The following ZNF202 variants were observed in gnomAD, a reference collection of about 807,000 sequenced individuals.
The protein encoded by ZNF202 is zinc finger protein 202, also known as zinc finger protein with KRAB and SCAN domains 10.
A neutral mutation model predicts 54.5 loss-of-function variants in ZNF202; 22 were observed. The observed-to-expected ratio is 0.40, with a 90% CI of 0.29 to 0.58. The LOEUF is 0.58. Among genes scored for constraint, ZNF202 ranks in the 20% least tolerant of loss-of-function variants. The pLI is 0.39. For missense variants in ZNF202, 644 were observed against 805.5 expected, an observed-to-expected ratio of 0.80 and a Z score of 2.43; for synonymous variants, 294 against 301.4, an observed-to-expected ratio of 0.98 and a Z score of 0.26.
chr11:123,733,013 C>T (rs922624026), intron 3 of ZNF202, among the ~76,000 whole-genome samples: 9 of 152,140 alleles, frequency 5.9e-5, no homozygotes, highest in Admixed American at 1.3e-4. Flanking sequence ...GGCACTGGCA[C>T]GTAACAGGCA....
In ZNF202 at chr11:123,730,010, G is replaced by A. The variant is rs1861335988; in HGVS notation, c.403-185C>T. Among the ~76,000 whole-genome samples the A allele has an allele frequency of 6.6e-6, 1 of 152,136 alleles. No individual in the cohort carries two copies. Among genetic ancestry groups the A allele is most frequent in the Non-Finnish European group, 1.5e-5 (1 of 68,014 alleles). ...TGAAGGTTATCCTCCCCAGGACAAG[G>A]CAGGGGATGCGCAGGCCTGCACTGC... On this transcript the variant is annotated intron_variant, in intron 4 of 8. Coordinates refer to ENST00000530393, the MANE Select transcript of ZNF202 (RefSeq NM_003455.4). The surrounding 1 kb of genome is among the most constrained non-coding windows in gnomAD (Gnocchi z 6.0).
At chr11:123,734,614 T>C (rs776487044) in intron 3 of ZNF202, among the ~76,000 whole-genome samples, 1 of 152,150 alleles carries the variant, frequency 6.6e-6, no homozygotes, top group Non-Finnish European at 1.5e-5. Flanking sequence ...AGCATGCACA[T>C]GTGTCTATTT....
At chr11:123,739,840 T>C (rs10790595) in intron 3 of ZNF202, among the ~76,000 whole-genome samples, 80,261 of 151,676 alleles carry the variant, frequency 0.53, 21,761 homozygotes, top group Middle Eastern at 0.73. Context: ...TTGTTAGAAG[T>C]ACAAATTCTC....
chr11:123,726,733 T>C lies in ZNF202; in HGVS notation c.1211A>G (p.Lys404Arg). The stretch of plus-strand genomic sequence containing the variant: ...AAGGTGGGAGTTACAAGTGAAGCTC[T>C]TTCCACACACAGAACAGTCATGATG... Reference protein sequence around the residue: ...GRHHDCSVCGKSFTCNSHLVR... With the variant: ...GRHHDCSVCGRSFTCNSHLVR... The change falls in exon 9 of 9, where the codon AAG becomes AGG. Residue 404 changes from lysine to arginine, a missense_variant. By Grantham distance (26) the Lys-to-Arg change is conservative. Transcript: ENST00000530393. The surrounding 1 kb of genome is among the most constrained non-coding windows in gnomAD (Gnocchi z 6.0). 4 of 1,614,242 alleles carry C rather than the reference T, an allele frequency of 2.5e-6. No individual in the cohort carries two copies. The highest frequency in any genetic ancestry group is 3.4e-6 in the Non-Finnish European group (4 of 1,180,040).
chr11:123,731,457 T>C (rs1358932569), intron 3 of ZNF202, among the ~76,000 whole-genome samples: 2 of 152,228 alleles, frequency 1.3e-5, no homozygotes, highest in Non-Finnish European at 2.9e-5. Flanking sequence ...TCTGATTCAG[T>C]CAATTCAGGT....
At position 123,724,434 on chromosome 11, in the gene ZNF202, A is replaced by G. The variant is rs1437788550; in HGVS notation, c.*1563T>C. ...ATTAAGACCAAACCAGTCCATCAGA[A>G]TATCATCGACCAAAATGAGAATTTC... On this transcript the variant is annotated 3_prime_UTR_variant, in exon 9 of 9. Transcript: ENST00000530393. 1 of 152,198 alleles carries G rather than the reference A, an allele frequency of 6.6e-6. No individual in the cohort carries two copies. Among genetic ancestry groups the G allele is most frequent in the Non-Finnish European group, 1.5e-5 (1 of 68,038 alleles). The allele number at this position is 152,198 out of a possible 1,614,324, so 9.4% of individuals were successfully genotyped here.
rs141849865 is a variant in ZNF202, at chr11:123,729,778, C to T, written c.450G>A (p.Val150=). 1.2e-5 allele frequency: 19 copies of T among 1,613,648 alleles called. No homozygotes were observed. Among genetic ancestry groups the T allele is most frequent in the Non-Finnish European group, 1.4e-5 (17 of 1,179,854 alleles). The change falls in exon 5 of 9, where the codon GTG becomes GTA. Residue 150 remains valine (V), a synonymous_variant. Coordinates refer to ENST00000530393, the MANE Select transcript of ZNF202 (RefSeq NM_003455.4). The part of the protein sequence containing the change: ...HGQEVLSEET[V]HLGVEPESPN... Reference sequence around the variant, plus strand: ...GTGACTCAGGCTCCACTCCTAAATGCACCGTCTCCTCTGACAGGACTTCCT... The same window carrying T: ...GTGACTCAGGCTCCACTCCTAAATGTACCGTCTCCTCTGACAGGACTTCCT...
At chr11:123,734,105 CAGAG>C (rs780917591) in intron 3 of ZNF202, among the ~76,000 whole-genome samples, 2 of 149,006 alleles carry the variant, frequency 1.3e-5, no homozygotes, top group African/African-American at 2.5e-5. Context: ...GAGAGAGAGA[CAGAG>C]AGAGAGAGAG....
chr11:123,725,909 G>C lies in ZNF202; in HGVS notation c.*88C>G. 1 of 1,466,886 alleles carries C rather than the reference G, an allele frequency of 6.8e-7. No individual in the cohort carries two copies. The highest frequency in any genetic ancestry group is 9.1e-7 in the Non-Finnish European group (1 of 1,099,714). 90.9% of individuals were successfully genotyped at this position (1,466,886 alleles called of 1,614,324 possible). ...AGGTCAGGGAGACTCCCTCGAAAAGGTCTTCCCAGGCTGACAAGAGGGCTT... is the reference window on the plus strand; with the variant it reads ...AGGTCAGGGAGACTCCCTCGAAAAGCTCTTCCCAGGCTGACAAGAGGGCTT... On this transcript the variant is annotated 3_prime_UTR_variant, in exon 9 of 9. Transcript: ENST00000530393.
intron 1 of ZNF202, among the ~76,000 whole-genome samples, chr11:123,740,982 C>T (rs984929440): frequency 6.6e-6 from 1 of 151,088 alleles, no homozygotes; most frequent in Non-Finnish European, 1.5e-5. Flanking sequence ...AGCCTCTGGC[C>T]AAATGGACGC....
intron 3 of ZNF202, among the ~76,000 whole-genome samples, chr11:123,732,789 C>G (rs1354109520): frequency 6.6e-6 from 1 of 152,144 alleles, no homozygotes; most frequent in African/African-American, 2.4e-5. Context: ...AAGCTTCTTC[C>G]TATGGTAACA....
Position 123,729,699 on chromosome 11 carries a change from C to A in ZNF202, c.529G>T (p.Glu177Ter). 6.2e-7 allele frequency: 1 copy of A among 1,613,618 alleles called. No homozygotes were observed. The highest frequency in any genetic ancestry group is 8.5e-7 in the Non-Finnish European group (1 of 1,179,826). The change falls in exon 5 of 9, where the codon GAA becomes TAA. Residue 177 changes from glutamate to a stop codon, truncating the protein, a stop_gained. Coordinates refer to ENST00000530393, the MANE Select transcript of ZNF202 (RefSeq NM_003455.4). LOFTEE classifies it high-confidence loss of function. ...CCCAGATCTGGGCTCTGTGTGGTTT[C>A]CTCAGGAGACTGCTCGGGGGTCGAG... ...QSSTPEQSPE[E>*]TTQSPDLGAP... is the part of the protein sequence containing the mutation.
At chr11:123,735,363 G>GA (rs762619606) in intron 3 of ZNF202, among the ~76,000 whole-genome samples, 47 of 152,018 alleles carry the variant, frequency 3.1e-4, no homozygotes, top group Non-Finnish European at 5.4e-4. Flanking sequence ...GCTCTCCAAA[G>GA]AAAAAAGAAC....
intron 3 of ZNF202, among the ~76,000 whole-genome samples, chr11:123,733,442 T>TTTTTTTA (rs1280788727): frequency 6.6e-6 from 1 of 152,214 alleles, no homozygotes; most frequent in African/African-American, 2.4e-5. Context: ...TGGCTTGTAA[T>TTTTTTTA]TTTTTTATTT....
At chr11:123,737,028 T>A (rs1861660031) in intron 3 of ZNF202, among the ~76,000 whole-genome samples, 1 of 152,070 alleles carries the variant, frequency 6.6e-6, no homozygotes, top group African/African-American at 2.4e-5. Context: ...TATTGTTATA[T>A]CAAAGAAACC....
At chr11:123,729,865 AG>A (rs1861328939) in intron 4 of ZNF202, 40 bp from the exon 5 acceptor site, 1 of 1,555,542 alleles carries the variant, frequency 6.4e-7, no homozygotes, top group African/African-American at 1.4e-5. Context: ...TGGAGTCAGG[AG>A]GAAGTTCTTG....
intron 3 of ZNF202, among the ~76,000 whole-genome samples, chr11:123,733,406 T>G (rs1376201238): frequency 6.6e-6 from 1 of 152,242 alleles, no homozygotes; most frequent in East Asian, 1.9e-4. Context: ...TATCTCTACC[T>G]CATGGTGATT....
At chr11:123,740,727 C>G (rs986649046) in intron 1 of ZNF202, among the ~76,000 whole-genome samples, 191 bp from the exon 2 acceptor site, 1 of 152,214 alleles carries the variant, frequency 6.6e-6, no homozygotes, top group Non-Finnish European at 1.5e-5. Flanking sequence ...TGAGAACATT[C>G]ATTGTTCAGA....
chr11:123,736,923 A>T (rs1398060540), intron 3 of ZNF202, among the ~76,000 whole-genome samples: 1 of 152,164 alleles, frequency 6.6e-6, no homozygotes, highest in Non-Finnish European at 1.5e-5. Flanking sequence ...TCGTTTTGGG[A>T]AGAAGGCAAG....
Sources: gnomAD v4.1 joint callset for allele counts (sites outside exome capture counted in the v4.1 genomes callset) on GRCh38, gnomAD v4.1.1 for gene constraint, Gnocchi (gnomAD v3.1) non-coding constraint, MANE v1.5 for transcripts, NCBI Gene and HGNC (gene_info 2026-07-23, HGNC 2026-07-21) for gene names.